Variants in ARHGEF12 observed in about 807,000 individuals in gnomAD.
ARHGEF12 encodes the protein Rho guanine nucleotide exchange factor 12.
A neutral mutation model predicts 211.2 loss-of-function variants in ARHGEF12; 66 were observed. That is an observed-to-expected ratio of 0.31 (90% CI 0.26 to 0.38). ARHGEF12 has a LOEUF of 0.38. ARHGEF12 is among the 10% of genes least tolerant of loss of function. The pLI, the probability that ARHGEF12 is intolerant of heterozygous loss-of-function variation, is 1.00. For missense variants in ARHGEF12, 1,429 were observed against 1,869.5 expected (o/e 0.76, Z 4.34); for synonymous variants, 592 against 638.4 (o/e 0.93, Z 1.09).
At chr11:120,412,441 G>A (rs1362146047) in intron 4 of ARHGEF12, among the ~76,000 whole-genome samples, 1 of 152,250 alleles carries the variant, frequency 6.6e-6, no homozygotes, top group Non-Finnish European at 1.5e-5. Context: ...GGATGTCAGT[G>A]TGATCAGGTC....
At chr11:120,393,238 T>G (rs896628520) in intron 1 of ARHGEF12, among the ~76,000 whole-genome samples, 2 of 147,546 alleles carry the variant, frequency 1.4e-5, no homozygotes, top group African/African-American at 5.1e-5. Context: ...TAAAATTGTT[T>G]TAAAAATCAG....
At chr11:120,347,165 TTCCTTCCTTCCTTC>T (rs1565417047) in intron 1 of ARHGEF12, among the ~76,000 whole-genome samples, 4 of 70,098 alleles carry the variant, frequency 5.7e-5, no homozygotes, top group Non-Finnish European at 8.0e-5. Context: ...CCTTCCTTCC[TTCCTTCCTTCCTTC>T]CTTCCTTTCT....
chr11:120,448,181 T>C, intron 19 of ARHGEF12, 53 bp from the exon 20 acceptor site: 1 of 1,340,776 alleles, frequency 7.5e-7, no homozygotes, highest in South Asian at 1.2e-5. Context: ...GTCTTTATTC[T>C]ACCAACCCTC....
At chr11:120,405,961 G>A in intron 1 of ARHGEF12, 157 bp from the exon 2 acceptor site, 1 of 576,008 alleles carries the variant, frequency 1.7e-6, no homozygotes, top group Non-Finnish European at 3.0e-6. Flanking sequence ...TAAACATGGT[G>A]TTCAACTTCT....
chr11:120,368,385 C>T (rs1565432852), intron 1 of ARHGEF12, among the ~76,000 whole-genome samples: 1 of 152,108 alleles, frequency 6.6e-6, no homozygotes, highest in Non-Finnish European at 1.5e-5. Flanking sequence ...TCAAGAGATC[C>T]TCCCACCTTG....
In ARHGEF12 at chr11:120,473,751, A is replaced by G. The variant is rs74818318; in HGVS notation, c.3033+624A>G. 9.1e-3 allele frequency among the ~76,000 whole-genome samples: 1,387 copies of G among 152,360 alleles called. 90 individuals carry two copies. In the South Asian group the frequency reaches 0.16, roughly 18 times the overall value. On this transcript the variant is annotated intron_variant, in intron 31 of 40. Coordinates refer to ENST00000397843, the MANE Select transcript of ARHGEF12 (RefSeq NM_015313.3). ...TGTTTGGTAACTTTCCAGATCATTTAATAACACAAGATAGCATACTATTTT... is the reference window on the plus strand; with the variant it reads ...TGTTTGGTAACTTTCCAGATCATTTGATAACACAAGATAGCATACTATTTT...
rs966560012 is a variant in ARHGEF12 at position 120,407,471 on chromosome 11, A to C, written c.57-267A>C. 2.0e-5 allele frequency among the ~76,000 whole-genome samples: 3 copies of C among 152,164 alleles called. No individual in the cohort carries two copies. In the East Asian group the frequency reaches 5.8e-4, roughly 29 times the overall value. On this transcript the variant is annotated intron_variant, in intron 2 of 40. Transcript: ENST00000397843. ...AGTATTGACCTGTGAAAACCACACA[A>C]AAAAAATGTAAGCAGTTACTTCTGA...
rs1214506982 is a variant in ARHGEF12, at chr11:120,477,079, GTTTTGTTGT to G, written c.3366-138_3366-130del. ...ATAAAGATATTCTCTGGCAGAGTGG[GTTTTGTTGT>G]TGTTGTTGTTGTTGTTGTTGTTGTT... On this transcript the variant is annotated intron_variant, in intron 34 of 40. Transcript: ENST00000397843. The G allele has an allele frequency of 5.8e-6, 4 of 687,762 alleles. No homozygotes were observed. In the African/African-American group the frequency reaches 5.9e-5, roughly 10 times the overall value. 42.6% of individuals were successfully genotyped at this position (687,762 alleles called of 1,614,324 possible).
intron 1 of ARHGEF12, among the ~76,000 whole-genome samples, chr11:120,393,718 T>C (rs1412256652): frequency 6.6e-6 from 1 of 152,146 alleles, no homozygotes; most frequent in Non-Finnish European, 1.5e-5. Context: ...TCTACAAACA[T>C]TGTCAGTTAT....
chr11:120,396,053 A>G (rs1944373939), intron 1 of ARHGEF12, among the ~76,000 whole-genome samples: 1 of 152,170 alleles, frequency 6.6e-6, no homozygotes, highest in Non-Finnish European at 1.5e-5. Context: ...AGGCTGCAAT[A>G]GGGAAAATGC....
chr11:120,407,851 G>C lies in ARHGEF12; in HGVS notation c.142+28G>C. ...AAAACACTATTCATTCTTTCAAAGA[G>C]TATTGAGAGTAGTGAAGTTCAGAAT... On this transcript the variant is annotated intron_variant, in intron 3 of 40. Transcript: ENST00000397843. 1.9e-6 allele frequency: 3 copies of C among 1,580,980 alleles called. No homozygotes were observed. In the South Asian group the frequency reaches 3.3e-5, roughly 18 times the overall value.
intron 3 of ARHGEF12, 69 bp from the exon 4 acceptor site, chr11:120,409,325 A>G (rs1179043998): frequency 6.7e-7 from 1 of 1,495,988 alleles, no homozygotes; most frequent in Non-Finnish European, 9.2e-7. Flanking sequence ...TTTTTTCCCC[A>G]TGAATTTTTC....
At chr11:120,398,580 G>T (rs180886385) in intron 1 of ARHGEF12, among the ~76,000 whole-genome samples, 431 of 151,814 alleles carry the variant, frequency 2.8e-3, no homozygotes, top group African/African-American at 5.2e-3. Context: ...TGTTTTTTTT[G>T]TGTGTGTGTG....
At chr11:120,446,198 A>AAATAATAATAATAATAATAAT (rs59459827) in intron 16 of ARHGEF12, among the ~76,000 whole-genome samples, 4 of 140,366 alleles carry the variant, frequency 2.8e-5, no homozygotes, top group African/African-American at 1.0e-4. Flanking sequence ...ACTCCATCTC[A>AAATAATAATAATAATAATAAT]AATAATAATA....
chr11:120,449,031 C>A, intron 20 of ARHGEF12, 78 bp from the exon 21 acceptor site: 3 of 1,169,834 alleles, frequency 2.6e-6, no homozygotes, highest in Non-Finnish European at 3.7e-6. Flanking sequence ...TTGAACTAAC[C>A]ATTAGCATTA....
At chr11:120,481,150 C>G in intron 38 of ARHGEF12, 110 bp from the exon 39 acceptor site, 20 of 947,932 alleles carry the variant, frequency 2.1e-5, no homozygotes, top group Non-Finnish European at 3.0e-5. Context: ...GAATTAATGG[C>G]TTTTCCCTCT....
intron 1 of ARHGEF12, chr11:120,337,497 G>T: frequency 1.0e-6 from 1 of 985,430 alleles, no homozygotes; most frequent in Admixed American, 6.1e-5. Context: ...CCGATTCTCA[G>T]AGAAGGGGGA....
chr11:120,346,000 G>A (rs763046582), intron 1 of ARHGEF12, among the ~76,000 whole-genome samples: 17 of 152,016 alleles, frequency 1.1e-4, no homozygotes, highest in Middle Eastern at 3.4e-3. Flanking sequence ...CAGGTTAAAC[G>A]CACACACGCA....
rs1947120009 is a variant in ARHGEF12, at chr11:120,478,318, A to G, written c.3695A>G (p.Tyr1232Cys). The G allele has an allele frequency of 6.2e-7, 1 of 1,614,244 alleles. No individual in the cohort carries two copies. Among genetic ancestry groups the G allele is most frequent in the East Asian group, 2.2e-5 (1 of 44,884 alleles). ...ACACTAAAGGAAGTTGGAGAAGATT[A>G]TCAAATCGCAATCCCAGATTCACAC... ...DGTLKEVGED[Y>C]QIAIPDSHLP... Residue 1232 changes from tyrosine (Y) to cysteine (C), a missense_variant, in exon 37 of 41, where the codon TAT becomes TGT. Transcript: ENST00000397843.
Sources: gnomAD v4.1 joint callset for allele counts (sites outside exome capture counted in the v4.1 genomes callset) on GRCh38, gnomAD v4.1.1 for gene constraint, MANE v1.5 for transcripts, NCBI Gene and HGNC (gene_info 2026-07-23, HGNC 2026-07-21) for gene names.